The following JAZF1 variants were observed in gnomAD, a reference collection of about 807,000 sequenced individuals.
JAZF1 encodes JAZF zinc finger 1.
In JAZF1, 8 loss-of-function variants were observed where a neutral mutation model predicts 26.4. The ratio of observed to expected loss-of-function variants is 0.30; its 90% CI spans 0.18 to 0.55. The LOEUF (loss-of-function observed/expected upper bound fraction) is 0.55, where lower values mean the gene tolerates loss of function less well. Ranked by LOEUF, JAZF1 falls within the 20% of genes least tolerant of loss-of-function variation. The pLI is 0.94. For synonymous variants in JAZF1, 126 were observed against 122.3 expected, an observed-to-expected ratio of 1.03 and a Z score of -0.20; for missense variants, 199 against 322.0, an observed-to-expected ratio of 0.62 and a Z score of 2.92.
chr7:27,976,689 G>A (rs1482396256), intron 2 of JAZF1, among the ~76,000 whole-genome samples: 1 of 150,446 alleles, frequency 6.6e-6, no homozygotes, highest in Non-Finnish European at 1.5e-5. Context: ...CCATAAACAG[G>A]TGGTTTCATG....
At chr7:27,932,403 T>C (rs886308327) in intron 2 of JAZF1, among the ~76,000 whole-genome samples, 10 of 152,198 alleles carry the variant, frequency 6.6e-5, no homozygotes, top group Non-Finnish European at 2.9e-5. Context: ...CATCATAATG[T>C]AATACTTTAT....
intron 1 of JAZF1, among the ~76,000 whole-genome samples, chr7:28,157,028 C>T (rs1783195991): frequency 6.6e-6 from 1 of 152,232 alleles, no homozygotes; most frequent in African/African-American, 2.4e-5. Flanking sequence ...TTCAACCAAC[C>T]ACAGTGGATT....
At chr7:27,996,895 T>C (rs1786028829) in intron 1 of JAZF1, among the ~76,000 whole-genome samples, 1 of 152,202 alleles carries the variant, frequency 6.6e-6, no homozygotes. Flanking sequence ...ATTATTTTTA[T>C]AATGAGAAAA....
At chr7:28,061,204 G>C (rs1219983632) in intron 1 of JAZF1, among the ~76,000 whole-genome samples, 2 of 152,056 alleles carry the variant, frequency 1.3e-5, no homozygotes, top group Admixed American at 6.5e-5. Context: ...GCATTCAAAA[G>C]AAAACAAGGC....
intron 4 of JAZF1, among the ~76,000 whole-genome samples, chr7:27,836,096 C>T (rs916984623): frequency 2.0e-5 from 3 of 152,202 alleles, no homozygotes; most frequent in Non-Finnish European, 4.4e-5. Flanking sequence ...ATGTCCAATC[C>T]ATAGTCCATA....
At chr7:27,939,887 G>C (rs1784816891) in intron 2 of JAZF1, among the ~76,000 whole-genome samples, 1 of 152,174 alleles carries the variant, frequency 6.6e-6, no homozygotes, top group Admixed American at 6.5e-5. Context: ...GAACACATTG[G>C]AATCTGGGGC....
At position 27,907,740 on chromosome 7, in the gene JAZF1, G is replaced by A. The variant is rs140683942; in HGVS notation, c.189-12324C>T. ...ATGGTAGAAGATTCTCAATGTGAGA[G>A]GAGGTCTCAAATAGGTAGGGTTTTT... On this transcript the variant is annotated intron_variant, in intron 2 of 4. Coordinates refer to ENST00000283928, the MANE Select transcript of JAZF1 (RefSeq NM_175061.4). Among the ~76,000 whole-genome samples the A allele has an allele frequency of 2.6e-5, 4 of 152,300 alleles. No homozygotes were observed. The East Asian group carries it at 5.8e-4, about 22-fold the overall frequency.
In JAZF1 at chr7:28,180,732, G is replaced by T; in HGVS notation, c.-155C>A. On this transcript the variant is annotated 5_prime_UTR_variant, in exon 1 of 5. Transcript: ENST00000283928. ...GCGAGGACGGGACGGAGGGAGAGGGGGCGAGAGAGATGGAAGGAGAGCGAG... is the reference window on the plus strand; with the variant it reads ...GCGAGGACGGGACGGAGGGAGAGGGTGCGAGAGAGATGGAAGGAGAGCGAG... The T allele has an allele frequency of 1.9e-6, 1 of 514,556 alleles. No individual in the cohort carries two copies. Among genetic ancestry groups the T allele is most frequent in the South Asian group, 2.4e-5 (1 of 41,426 alleles). 31.9% of individuals were successfully genotyped at this position (514,556 alleles called of 1,614,324 possible).
intron 2 of JAZF1, among the ~76,000 whole-genome samples, chr7:27,933,650 G>A (rs1784719973): frequency 6.6e-6 from 1 of 152,186 alleles, no homozygotes; most frequent in African/African-American, 2.4e-5. Flanking sequence ...CTTGTTGCTT[G>A]TGGATATACT....
At position 28,142,355 on chromosome 7, in the gene JAZF1, G is replaced by A. The variant is rs185350716; in HGVS notation, c.115+38108C>T. Reference sequence around the variant, plus strand: ...AAAGGTACTCTGAGGACCACACTTCGAGAACCATTTCTAAAGCCTCAGTGA... The same window carrying A: ...AAAGGTACTCTGAGGACCACACTTCAAGAACCATTTCTAAAGCCTCAGTGA... On this transcript the variant is annotated intron_variant, in intron 1 of 4. Transcript: ENST00000283928. 1.0e-3 allele frequency among the ~76,000 whole-genome samples: 156 copies of A among 152,182 alleles called. 1 individual carries two copies. The highest frequency in any genetic ancestry group is 3.6e-3 in the African/African-American group (148 of 41,516).
intron 1 of JAZF1, among the ~76,000 whole-genome samples, chr7:28,141,824 A>G (rs957152471): frequency 6.6e-6 from 1 of 152,214 alleles, no homozygotes; most frequent in Non-Finnish European, 1.5e-5. Context: ...GTATACCTAC[A>G]TGTTTAAAAT....
chr7:27,995,047 T>C (rs1785986718), intron 1 of JAZF1, among the ~76,000 whole-genome samples: 1 of 152,136 alleles, frequency 6.6e-6, no homozygotes, highest in Admixed American at 6.6e-5. Context: ...CAGAACAAAC[T>C]GGAAAGAGTA....
chr7:27,976,518 T>A (rs116527346), intron 2 of JAZF1, among the ~76,000 whole-genome samples: 2 of 152,084 alleles, frequency 1.3e-5, no homozygotes, highest in African/African-American at 4.8e-5. Flanking sequence ...TGCCTGGTGA[T>A]TGAGACCTAA....
rs55737757 is a variant in JAZF1 at position 27,979,366 on chromosome 7, ATTTTTTTTTTTTTTTTTTT to A, written c.188+12524_188+12542del. Among the ~76,000 whole-genome samples the A allele has an allele frequency of 6.8e-4, 40 of 58,438 alleles. 1 individual carries two copies. The highest frequency in any genetic ancestry group is 1.0e-3 in the African/African-American group (15 of 15,064). The allele number at this position is 58,438 out of a possible 152,430, so 38.3% of individuals were successfully genotyped here. ...TAACAGGCGTGGCCAGGTACACTAC[ATTTTTTTTTTTTTTTTTTT>A]TTTTTTTTTTTTTTTTTTTTAGAAA... On this transcript the variant is annotated intron_variant, in intron 2 of 4. Transcript: ENST00000283928.
intron 1 of JAZF1, among the ~76,000 whole-genome samples, chr7:28,014,378 G>T (rs890424508): frequency 6.6e-6 from 1 of 152,132 alleles, no homozygotes; most frequent in Non-Finnish European, 1.5e-5. Context: ...GATATGGTTT[G>T]GCTGTGTCCC....
At chr7:27,889,610 G>A (rs928695807) in intron 3 of JAZF1, among the ~76,000 whole-genome samples, 1 of 152,132 alleles carries the variant, frequency 6.6e-6, no homozygotes, top group African/African-American at 2.4e-5. Context: ...AGTTAACCAT[G>A]GTTAACTTCT....
At chr7:28,074,500 C>T (rs1476921293) in intron 1 of JAZF1, among the ~76,000 whole-genome samples, 1 of 152,112 alleles carries the variant, frequency 6.6e-6, no homozygotes, top group Non-Finnish European at 1.5e-5. Flanking sequence ...TATGTATGTA[C>T]TTATGTGTAC....
chr7:27,851,928 G>A (rs1783158582), intron 3 of JAZF1, among the ~76,000 whole-genome samples: 1 of 147,062 alleles, frequency 6.8e-6, no homozygotes, highest in Non-Finnish European at 1.5e-5. Flanking sequence ...GATGCCTGGG[G>A]GTTCTGAGTT....
chr7:28,161,338 ACCCTAGAGC>A (rs1783284234), intron 1 of JAZF1, among the ~76,000 whole-genome samples: 1 of 151,724 alleles, frequency 6.6e-6, no homozygotes, highest in African/African-American at 2.4e-5. Context: ...TCCTACAGAA[ACCCTAGAGC>A]CCCAAGAACA....
Sources: gnomAD v4.1 joint callset for allele counts (sites outside exome capture counted in the v4.1 genomes callset) on GRCh38, gnomAD v4.1.1 for gene constraint, MANE v1.5 for transcripts, NCBI Gene and HGNC (gene_info 2026-07-23, HGNC 2026-07-21) for gene names.